Variants in CADPS observed in about 807,000 individuals in gnomAD.
CADPS encodes the protein calcium dependent secretion activator.
Under a neutral mutation model 167.3 loss-of-function variants are expected in CADPS, and 57 were observed. That is an observed-to-expected ratio of 0.34 (90% CI 0.28 to 0.42). The LOEUF (loss-of-function observed/expected upper bound fraction) is 0.42, where lower values mean the gene tolerates loss of function less well. Among genes scored for constraint, CADPS ranks in the 20% least tolerant of loss-of-function variants. The pLI, the probability that CADPS is intolerant of heterozygous loss-of-function variation, is 1.00. For synonymous variants in CADPS, 676 were observed against 635.3 expected, an observed-to-expected ratio of 1.06 and a Z score of -0.96; for missense variants, 1,414 against 1,738.1, an observed-to-expected ratio of 0.81 and a Z score of 3.32.
At chr3:62,481,282 T>C (rs2061980824) in intron 22 of CADPS, among the ~76,000 whole-genome samples, 1 of 152,220 alleles carries the variant, frequency 6.6e-6, no homozygotes, top group Admixed American at 6.5e-5. Context: ...TTAAACATTC[T>C]CTAGGAATTT....
intron 24 of CADPS, chr3:62,467,418 A>G: frequency 1.8e-6 from 1 of 549,472 alleles, no homozygotes; most frequent in South Asian, 2.2e-5. Context: ...AAAATATTCA[A>G]AAGTCTATGT....
chr3:62,606,706 G>A (rs1414139893), intron 6 of CADPS, among the ~76,000 whole-genome samples: 1 of 152,200 alleles, frequency 6.6e-6, no homozygotes, highest in Non-Finnish European at 1.5e-5. Flanking sequence ...CGGCCAACGG[G>A]GCATTGGCAA....
intron 8 of CADPS, among the ~76,000 whole-genome samples, chr3:62,574,763 G>A (rs1302906186): frequency 6.6e-6 from 1 of 152,284 alleles, no homozygotes; most frequent in Middle Eastern, 3.4e-3. Context: ...GGTCAGTAAT[G>A]GTTCCTAACT....
At chr3:62,533,742 A>G (rs2074172550) in intron 12 of CADPS, among the ~76,000 whole-genome samples, 1 of 152,132 alleles carries the variant, frequency 6.6e-6, no homozygotes, top group Admixed American at 6.6e-5. Context: ...CTTTGGAAAG[A>G]GTGTTTTTTA....
At chr3:62,638,120 CA>C (rs2066694193) in intron 6 of CADPS, among the ~76,000 whole-genome samples, 1 of 142,612 alleles carries the variant, frequency 7.0e-6, no homozygotes, top group Non-Finnish European at 1.5e-5. Context: ...AATTAATTTT[CA>C]TAAGAATATG....
chr3:62,801,595 C>T (rs555987249), intron 1 of CADPS, among the ~76,000 whole-genome samples: 1 of 152,152 alleles, frequency 6.6e-6, no homozygotes, highest in South Asian at 2.1e-4. Flanking sequence ...GTTTTAAATC[C>T]AGCAAATTAG....
chr3:62,641,299 C>A (rs1050326087), intron 6 of CADPS, among the ~76,000 whole-genome samples: 3 of 152,156 alleles, frequency 2.0e-5, no homozygotes, highest in Non-Finnish European at 4.4e-5. Flanking sequence ...TTAAAATGTT[C>A]TCCTTGACCT....
At chr3:62,554,351 C>G (rs1390083165) in intron 10 of CADPS, among the ~76,000 whole-genome samples, 4 of 152,140 alleles carry the variant, frequency 2.6e-5, no homozygotes, top group Non-Finnish European at 4.4e-5. Context: ...ATGCTTGTGT[C>G]TGGGGGAACC....
At chr3:62,576,779 G>C (rs1467978048) in intron 8 of CADPS, among the ~76,000 whole-genome samples, 1 of 71,672 alleles carries the variant, frequency 1.4e-5, no homozygotes, top group Non-Finnish European at 2.3e-5. Context: ...GACAGAGCAA[G>C]ACTCTGTCTA....
intron 6 of CADPS, among the ~76,000 whole-genome samples, chr3:62,608,109 T>C (rs1166764543): frequency 1.3e-5 from 2 of 152,146 alleles, no homozygotes; most frequent in African/African-American, 2.4e-5. Context: ...AAATACTACC[T>C]GAGTTCCCAG....
chr3:62,557,263 T>A (rs1311361328), intron 10 of CADPS, 142 bp downstream of exon 10: 2 of 635,608 alleles, frequency 3.1e-6, no homozygotes, highest in Non-Finnish European at 5.7e-6. Context: ...TCAGGGATTG[T>A]GACTGTCATG....
intron 2 of CADPS, among the ~76,000 whole-genome samples, chr3:62,764,612 A>C (rs1447018548): frequency 1.3e-5 from 2 of 152,192 alleles, no homozygotes; most frequent in African/African-American, 2.4e-5. Context: ...TCTCTCCATG[A>C]AGGAAGGAGT....
chr3:62,748,387 C>A (rs1020121517), intron 3 of CADPS, among the ~76,000 whole-genome samples: 6 of 133,636 alleles, frequency 4.5e-5, no homozygotes, highest in Non-Finnish European at 9.6e-5. Flanking sequence ...AGATGTAGAC[C>A]TTACTCCTTC....
In CADPS at chr3:62,516,591, G is replaced by A; in HGVS notation, c.2446C>T (p.Leu816Phe). 6.2e-7 allele frequency: 1 copy of A among 1,604,906 alleles called. No homozygotes were observed. The highest frequency in any genetic ancestry group is 2.2e-5 in the East Asian group (1 of 44,704). Reference protein sequence around the residue: ...PEGALKATLSLLERVLMKDIV... With the variant: ...PEGALKATLSFLERVLMKDIV... ...ACTTTCATTCTTACCCTTTCCAAGAGTGAGAGAGTAGCTTTCAAAGCACCT... is the reference window on the plus strand; with the variant it reads ...ACTTTCATTCTTACCCTTTCCAAGAATGAGAGAGTAGCTTTCAAAGCACCT... Residue 816 changes from leucine (L) to phenylalanine (F), a missense_variant, in exon 15 of 30, where the codon CTC becomes TTC. Physicochemically the swap from Leu to Phe is conservative, Grantham distance 22. Around this residue, in one of 6 missense-constraint regions of CADPS, gnomAD observed 529 missense variants for 629.6 expected, o/e 0.84. Transcript: ENST00000383710.
intron 13 of CADPS, among the ~76,000 whole-genome samples, chr3:62,531,235 TCTCTCTC>T (rs1479268155): frequency 1.8e-4 from 27 of 152,224 alleles, no homozygotes; most frequent in Non-Finnish European, 4.4e-5. Context: ...TCTCTCTCTC[TCTCTCTC>T]TTTAAAAAAT....
intron 1 of CADPS, among the ~76,000 whole-genome samples, chr3:62,813,945 T>C (rs2094498455): frequency 6.6e-6 from 1 of 152,124 alleles, no homozygotes; most frequent in South Asian, 2.1e-4. Flanking sequence ...AACAAATGAA[T>C]GAATGAAATA....
At chr3:62,599,809 ATAATATATT>A (rs2059612573) in intron 6 of CADPS, among the ~76,000 whole-genome samples, 1 of 15,018 alleles carries the variant, frequency 6.7e-5, no homozygotes, top group African/African-American at 2.2e-4. Flanking sequence ...TATATAATAA[ATAATATATT>A]ATATATTATA....
intron 28 of CADPS, among the ~76,000 whole-genome samples, chr3:62,413,762 T>G (rs769873998): frequency 6.6e-6 from 1 of 152,170 alleles, no homozygotes; most frequent in Non-Finnish European, 1.5e-5. Flanking sequence ...TGTTATGTGA[T>G]TTTATGACAA....
chr3:62,511,763 A>C (rs2067885214), intron 17 of CADPS, among the ~76,000 whole-genome samples: 1 of 152,068 alleles, frequency 6.6e-6, no homozygotes, highest in Admixed American at 6.6e-5. Context: ...CAATATAGTG[A>C]TTTACATATA....
Sources: gnomAD v4.1 joint callset for allele counts (sites outside exome capture counted in the v4.1 genomes callset) on GRCh38, gnomAD v4.1.1 for gene constraint, gnomAD v4.1.1 regional missense constraint, MANE v1.5 for transcripts, NCBI Gene and HGNC (gene_info 2026-07-23, HGNC 2026-07-21) for gene names.